The following TBX21 variants were observed in gnomAD, a reference collection of about 807,000 sequenced individuals.
TBX21 encodes T-box transcription factor TBX21.
Under a neutral mutation model 52.2 loss-of-function variants are expected in TBX21, and 11 were observed. That is an observed-to-expected ratio of 0.21 (90% confidence interval 0.13 to 0.35). The LOEUF is 0.35. Ranked by LOEUF, TBX21 falls within the 10% of genes least tolerant of loss-of-function variation. TBX21 has a pLI of 1.00. For synonymous variants in TBX21, 300 were observed against 316.1 expected (o/e 0.95, Z 0.54); for missense variants, 625 against 755.1 (o/e 0.83, Z 2.02).
Position 47,742,578 on chromosome 17 carries a change from T to C in TBX21, c.492-32T>C. ...GGACTGGCTGTCAAGCTGGAGCTGA[T>C]GGGTGCTGGGGGCTTTCTCTCTTCT... On this transcript the variant is annotated intron_variant, in intron 1 of 5. Transcript: ENST00000177694. The surrounding 1 kb of genome is among the most constrained non-coding windows in gnomAD (Gnocchi z 4.4). 8 of 1,565,808 alleles carry C rather than the reference T, an allele frequency of 5.1e-6. No individual in the cohort carries two copies. The highest frequency in any genetic ancestry group is 6.9e-6 in the Non-Finnish European group (8 of 1,151,344).
rs1390959715 is a variant in TBX21, at chr17:47,733,687, C to G, written c.233C>G (p.Pro78Arg). The G allele has an allele frequency of 2.8e-6, 4 of 1,430,698 alleles. No individual in the cohort carries two copies. The highest frequency in any genetic ancestry group is 1.8e-6 in the Non-Finnish European group (2 of 1,093,114). The allele number at this position is 1,430,698 out of a possible 1,614,324, so 88.6% of individuals were successfully genotyped here. Reference sequence around the variant, plus strand: ...CGCTTCCTTGGAGCCTACGCCTACCCGCCGCGACCCCAGGCGGCCGGCTTC... The same window carrying G: ...CGCTTCCTTGGAGCCTACGCCTACCGGCCGCGACCCCAGGCGGCCGGCTTC... ...PSRFLGAYAY[P>R]PRPQAAGFPG... Residue 78 changes from proline to arginine, a missense_variant, in exon 1 of 6, where the codon CCG (proline) becomes CGG (arginine). Physicochemically the swap from Pro to Arg is moderately radical, Grantham distance 103 (BLOSUM62 -2). Around this residue, in one of 4 missense-constraint regions of TBX21, gnomAD observed 221 missense variants for 204.9 expected, o/e 1.08. Coordinates refer to ENST00000177694, the MANE Select transcript of TBX21 (RefSeq NM_013351.2). This position sits in a 1 kb window ranked among gnomAD's most constrained non-coding sequence, Gnocchi z 6.6.
chr17:47,734,066 G>A, intron 1 of TBX21, 121 bp downstream of exon 1: 3 of 1,512,590 alleles, frequency 2.0e-6, no homozygotes, highest in Non-Finnish European at 2.7e-6. Flanking sequence ...TGGCTTCAGC[G>A]TAGGGAGACA....
rs758300158 is a variant in TBX21, at chr17:47,745,068, A to C, written c.1310A>C (p.Gln437Pro). 2 of 1,613,280 alleles carry C rather than the reference A, an allele frequency of 1.2e-6. No individual in the cohort carries two copies. Among genetic ancestry groups the C allele is most frequent in the South Asian group, 2.2e-5 (2 of 91,080 alleles). The change falls in exon 6 of 6, where the codon CAG (glutamine) becomes CCG (proline). Residue 437 changes from glutamine (Q) to proline (P), a missense_variant. This residue lies in a region of TBX21 where 261 missense variants were observed against 275.1 expected (regional missense o/e 0.95). Coordinates refer to ENST00000177694, the MANE Select transcript of TBX21 (RefSeq NM_013351.2). ...APGAGWPVAP[Q>P]YPPKMGPASW... ...GGAGCTGGCTGGCCTGTGGCACCCC[A>C]GTACCCTCCCAAGATGGGCCCGGCC... is the stretch of plus-strand genomic sequence containing the variant.
Position 47,744,274 on chromosome 17 carries a change from C to G in TBX21, c.848C>G (p.Ala283Gly). 2.5e-6 allele frequency: 4 copies of G among 1,614,228 alleles called. No homozygotes were observed. The highest frequency in any genetic ancestry group is 3.4e-6 in the Non-Finnish European group (4 of 1,180,036). ...GTGAACGACGGAGAGCCAGAGGCAG[C>G]CTGCAACGCTTCCAACACGCATATC... ...VEVNDGEPEAACNASNTHIFT... is the reference protein window; with the variant it reads ...VEVNDGEPEAGCNASNTHIFT... Residue 283 changes from alanine (A) to glycine (G), a missense_variant, in exon 4 of 6, where the codon GCC becomes GGC. Around this residue, in one of 4 missense-constraint regions of TBX21, gnomAD observed 142 missense variants for 258.5 expected, o/e 0.55. Coordinates refer to ENST00000177694, the MANE Select transcript of TBX21 (RefSeq NM_013351.2).
rs1321940883 is a variant in TBX21 at position 47,743,065 on chromosome 17, C to A, written c.647-6C>A. 6.2e-7 allele frequency: 1 copy of A among 1,614,022 alleles called. No homozygotes were observed. Among genetic ancestry groups the A allele is most frequent in the Admixed American group, 1.7e-5 (1 of 60,016 alleles). On this transcript the variant is annotated splice_region_variant and splice_polypyrimidine_tract_variant and intron_variant, in intron 2 of 5. Coordinates refer to ENST00000177694, the MANE Select transcript of TBX21 (RefSeq NM_013351.2). ...GCTGCATGTCAAAGAGGTGAACTGT[C>A]CACAGGAAACCGCCTGTACGTCCAC...
Position 47,745,121 on chromosome 17 carries a change from C to T in TBX21, c.1363C>T (p.Pro455Ser). 1 of 1,614,082 alleles carries T rather than the reference C, an allele frequency of 6.2e-7. No individual in the cohort carries two copies. Among genetic ancestry groups the T allele is most frequent in the Admixed American group, 1.7e-5 (1 of 60,022 alleles). Residue 455 changes from proline to serine, a missense_variant, in exon 6 of 6, where the codon CCC (proline) becomes TCC (serine). Transcript: ENST00000177694. The stretch of plus-strand genomic sequence containing the variant: ...CTGGTTCCGCCCTATGCGGACTCTG[C>T]CCATGGAACCCGGCCCTGGAGGCTC... ...ASWFRPMRTL[P>S]MEPGPGGSEG...
chr17:47,741,001 A>G (rs530114864), intron 1 of TBX21, among the ~76,000 whole-genome samples: 46 of 152,226 alleles, frequency 3.0e-4, no homozygotes, highest in Non-Finnish European at 6.2e-4. Flanking sequence ...GCTTCTCATG[A>G]GAGGAGGGGG....
In TBX21 at chr17:47,745,368, C is replaced by G. The variant is rs1256242788; in HGVS notation, c.*2C>G. 6.3e-7 allele frequency: 1 copy of G among 1,584,990 alleles called. No homozygotes were observed. The highest frequency in any genetic ancestry group is 1.2e-5 in the South Asian group (1 of 85,786). ...TTTTATAACTATTTTCCCAACTGAG[C>G]AGATGACATGATGAAAGGAACAGAA... On this transcript the variant is annotated 3_prime_UTR_variant, in exon 6 of 6. Transcript: ENST00000177694.
intron 1 of TBX21, among the ~76,000 whole-genome samples, chr17:47,734,556 TGTGTGTGTGTGTG>T (rs2032181988): frequency 2.8e-5 from 1 of 36,100 alleles, no homozygotes; most frequent in Non-Finnish European, 5.9e-5. Context: ...ATATGTCTGG[TGTGTGTGTGTGTG>T]TGTGTGTGTG....
Position 47,738,362 on chromosome 17 carries a change from T to C in TBX21, c.492-4248T>C, listed in dbSNP as rs369908730. On this transcript the variant is annotated intron_variant, in intron 1 of 5. Coordinates refer to ENST00000177694, the MANE Select transcript of TBX21 (RefSeq NM_013351.2). ...TTTGTAGAGATGGGGTCTCACTATG[T>C]TGCCCAGGCTGCAGCTTTGCTTTTT... Among the ~76,000 whole-genome samples the C allele has an allele frequency of 5.4e-4, 82 of 152,344 alleles. 1 individual carries two copies. In the South Asian group the frequency reaches 0.017, roughly 31 times the overall value.
At chr17:47,738,854 G>C (rs1168294782) in intron 1 of TBX21, among the ~76,000 whole-genome samples, 1 of 152,150 alleles carries the variant, frequency 6.6e-6, no homozygotes, top group Non-Finnish European at 1.5e-5. Flanking sequence ...ACCTGCCTCG[G>C]CCTCCCAAAG....
At chr17:47,743,692 C>T (rs1239022323) in intron 3 of TBX21, among the ~76,000 whole-genome samples, 1 of 151,852 alleles carries the variant, frequency 6.6e-6, no homozygotes, top group African/African-American at 2.4e-5. Context: ...CCAGCCTGGC[C>T]AAGATGATGA....
intron 1 of TBX21, among the ~76,000 whole-genome samples, chr17:47,736,634 GAC>G (rs1388331295): frequency 2.0e-5 from 3 of 152,056 alleles, no homozygotes; most frequent in Non-Finnish European, 4.4e-5. Context: ...GGGGACAGAG[GAC>G]ACACAACCCC....
rs1443307476 is a variant in TBX21 at position 47,733,406 on chromosome 17, C to T, written c.-49C>T. On this transcript the variant is annotated 5_prime_UTR_variant, in exon 1 of 6. Coordinates refer to ENST00000177694, the MANE Select transcript of TBX21 (RefSeq NM_013351.2). The surrounding 1 kb of genome is among the most constrained non-coding windows in gnomAD (Gnocchi z 6.6). ...CCAGCCCACGCGACCCTCTCGCGCG[C>T]GGAGGGGCGGGTCCTCGACGGCTAC... 1 of 1,432,680 alleles carries T rather than the reference C, an allele frequency of 7.0e-7. No individual in the cohort carries two copies. Among genetic ancestry groups the T allele is most frequent in the Non-Finnish European group, 9.1e-7 (1 of 1,100,110 alleles). The allele number at this position is 1,432,680 out of a possible 1,614,324, so 88.7% of individuals were successfully genotyped here.
At chr17:47,735,102 G>A (rs2032193472) in intron 1 of TBX21, among the ~76,000 whole-genome samples, 2 of 152,082 alleles carry the variant, frequency 1.3e-5, no homozygotes, top group African/African-American at 4.8e-5. Context: ...TGGTGGACCT[G>A]GGATGCTGGG....
Position 47,733,341 on chromosome 17 carries a change from C to A in TBX21, c.-114C>A, listed in dbSNP as rs1206198866. On this transcript the variant is annotated 5_prime_UTR_variant, in exon 1 of 6. Coordinates refer to ENST00000177694, the MANE Select transcript of TBX21 (RefSeq NM_013351.2). This position sits in a 1 kb window ranked among gnomAD's most constrained non-coding sequence, Gnocchi z 6.6. The stretch of plus-strand genomic sequence containing the variant: ...GCCCGGGCTCCGGTGGGGTCCCCCA[C>A]CCGGCCCTCGGGTCCCCCGCCCCCT... 2 of 1,314,838 alleles carry A rather than the reference C, an allele frequency of 1.5e-6. No homozygotes were observed. The highest frequency in any genetic ancestry group is 1.6e-5 in the African/African-American group (1 of 64,286). 81.4% of individuals were successfully genotyped at this position (1,314,838 alleles called of 1,614,324 possible). A position where few individuals can be genotyped will look rare whatever the true frequency, so the allele number is the denominator to read the frequency against.
intron 1 of TBX21, among the ~76,000 whole-genome samples, chr17:47,734,905 T>A (rs904106535): frequency 6.6e-6 from 1 of 151,698 alleles, no homozygotes; most frequent in Non-Finnish European, 1.5e-5. Flanking sequence ...GGGCTGAGGG[T>A]GCTGCTTCCG....
Position 47,733,373 on chromosome 17 carries a change from T to A in TBX21, c.-82T>A. 1 of 1,369,062 alleles carries A rather than the reference T, an allele frequency of 7.3e-7. No homozygotes were observed. The highest frequency in any genetic ancestry group is 1.5e-5 in the African/African-American group (1 of 65,468). The allele number at this position is 1,369,062 out of a possible 1,614,324, so 84.8% of individuals were successfully genotyped here. On this transcript the variant is annotated 5_prime_UTR_variant, in exon 1 of 6. Transcript: ENST00000177694. This position sits in a 1 kb window ranked among gnomAD's most constrained non-coding sequence, Gnocchi z 6.6. ...CTCGGGTCCCCCGCCCCCTGCTCCC[T>A]GCCCATCCCAGCCCACGCGACCCTC...
rs1014612170 is a variant in TBX21 at position 47,742,299 on chromosome 17, C to T, written c.492-311C>T. On this transcript the variant is annotated intron_variant, in intron 1 of 5. Transcript: ENST00000177694. This position sits in a 1 kb window ranked among gnomAD's most constrained non-coding sequence, Gnocchi z 4.4. ...GTTTCGCCATGTTGGCCAGGCTGGT[C>T]TCGAACTCCTGACCTCAGGTGATCC... is the stretch of plus-strand genomic sequence containing the variant. 6.6e-6 allele frequency among the ~76,000 whole-genome samples: 1 copy of T among 152,112 alleles called. No homozygotes were observed. Among genetic ancestry groups the T allele is most frequent in the East Asian group, 1.9e-4 (1 of 5,194 alleles).
Sources: gnomAD v4.1 joint callset for allele counts (sites outside exome capture counted in the v4.1 genomes callset) on GRCh38, gnomAD v4.1.1 for gene constraint, gnomAD v4.1.1 regional missense constraint, Gnocchi (gnomAD v3.1) non-coding constraint, MANE v1.5 for transcripts, NCBI Gene and HGNC (gene_info 2026-07-23, HGNC 2026-07-21) for gene names.